Variants in MGAT5B observed in about 807,000 individuals in gnomAD.
MGAT5B encodes alpha-1,6-mannosylglycoprotein 6-beta-N-acetylglucosaminyltransferase B, also known as N-acetylglucosaminyl-transferase Vb.
A neutral mutation model predicts 95.1 loss-of-function variants in MGAT5B; 54 were observed. The observed-to-expected ratio is 0.57, with a 90% confidence interval of 0.46 to 0.71. The LOEUF (loss-of-function observed/expected upper bound fraction) is 0.71. Ranked by LOEUF, MGAT5B falls within the 30% of genes least tolerant of loss-of-function variation. The probability of loss-of-function intolerance (pLI) is 0.00; values close to 1 mark genes in which losing one functional copy is unlikely to be tolerated. For synonymous variants in MGAT5B, 464 were observed against 451.0 expected (o/e 1.03, Z -0.36); for missense variants, 935 against 1,088.6 (o/e 0.86, Z 1.99).
rs908263403 is a variant in MGAT5B, at chr17:76,869,293, A to C, written c.68+196A>C. On this transcript the variant is annotated intron_variant, in intron 1 of 17. Coordinates refer to ENST00000569840, the MANE Select transcript of MGAT5B (RefSeq NM_001199172.2). This position sits in a 1 kb window ranked among gnomAD's most constrained non-coding sequence, Gnocchi z 7.0. Reference sequence around the variant, plus strand: ...GGGTGCGGATGGGGAGGGTTGTGTTATTCGGGGACCTGTCCCGAGTTGGGC... The same window carrying C: ...GGGTGCGGATGGGGAGGGTTGTGTTCTTCGGGGACCTGTCCCGAGTTGGGC... 1.3e-5 allele frequency among the ~76,000 whole-genome samples: 2 copies of C among 151,762 alleles called. No individual in the cohort carries two copies. Among genetic ancestry groups the C allele is most frequent in the African/African-American group, 4.8e-5 (2 of 41,320 alleles).
chr17:76,942,377 A>C (rs541220312), intron 15 of MGAT5B, among the ~76,000 whole-genome samples: 2 of 152,262 alleles, frequency 1.3e-5, no homozygotes, highest in East Asian at 1.9e-4. Flanking sequence ...AAAATACAAA[A>C]AGAAATTTAG....
At chr17:76,880,273 T>G (rs377208154) in intron 2 of MGAT5B, among the ~76,000 whole-genome samples, 1 of 152,112 alleles carries the variant, frequency 6.6e-6, no homozygotes, top group East Asian at 1.9e-4. Flanking sequence ...TTCTCCTGTT[T>G]TGCAGCCCTA....
In MGAT5B at chr17:76,924,453, C is replaced by T. The variant is rs544049473; in HGVS notation, c.1026-513C>T. 2.2e-4 allele frequency: 32 copies of T among 142,832 alleles called. No individual in the cohort carries two copies. The South Asian group carries it at 5.7e-3, about 26-fold the overall frequency. The allele number at this position is 142,832 out of a possible 1,614,324, so 8.8% of individuals were successfully genotyped here. A position where few individuals can be genotyped will look rare whatever the true frequency, so the allele number is the denominator to read the frequency against. Reference sequence around the variant, plus strand: ...AGGCAGGCAGGTCCTGTGCGGTGCCCGGGGTGGGAAGCAGGTAACCAGTGG... The same window carrying T: ...AGGCAGGCAGGTCCTGTGCGGTGCCTGGGGTGGGAAGCAGGTAACCAGTGG... On this transcript the variant is annotated intron_variant, in intron 8 of 17. Coordinates refer to ENST00000569840, the MANE Select transcript of MGAT5B (RefSeq NM_001199172.2).
rs748078797 is a variant in MGAT5B at position 76,938,190 on chromosome 17, C to T, written c.1584+47C>T. On this transcript the variant is annotated intron_variant, in intron 13 of 17. Coordinates refer to ENST00000569840, the MANE Select transcript of MGAT5B (RefSeq NM_001199172.2). This position sits in a 1 kb window ranked among gnomAD's most constrained non-coding sequence, Gnocchi z 4.3. Reference sequence around the variant, plus strand: ...CATTCTCACACTTGCCGGCTGCAGACACTGAGGTCACCACCCATGCCTGCC... The same window carrying T: ...CATTCTCACACTTGCCGGCTGCAGATACTGAGGTCACCACCCATGCCTGCC... 4 of 1,602,670 alleles carry T rather than the reference C, an allele frequency of 2.5e-6. No individual in the cohort carries two copies. Among genetic ancestry groups the T allele is most frequent in the South Asian group, 2.2e-5 (2 of 90,142 alleles).
At chr17:76,881,579 T>G (rs1967418046) in intron 2 of MGAT5B, among the ~76,000 whole-genome samples, 1 of 152,186 alleles carries the variant, frequency 6.6e-6, no homozygotes, top group Non-Finnish European at 1.5e-5. Context: ...GCAAGGAAAG[T>G]GCAGATTCCC....
intron 10 of MGAT5B, among the ~76,000 whole-genome samples, chr17:76,929,758 A>C (rs1474106468): frequency 1.3e-5 from 2 of 152,200 alleles, no homozygotes; most frequent in Non-Finnish European, 2.9e-5. Context: ...CAGGGAGCTA[A>C]CTGGGGGGCT....
At chr17:76,910,944 A>G (rs1968710991) in intron 8 of MGAT5B, among the ~76,000 whole-genome samples, 1 of 152,274 alleles carries the variant, frequency 6.6e-6, no homozygotes, top group Non-Finnish European at 1.5e-5. Context: ...ATTTAAAAAC[A>G]ACTAAAAGAA....
intron 3 of MGAT5B, among the ~76,000 whole-genome samples, chr17:76,886,968 T>C (rs1347966016): frequency 6.6e-6 from 1 of 152,098 alleles, no homozygotes; most frequent in Non-Finnish European, 1.5e-5. Context: ...CGCTTGAAGC[T>C]GAGAGGCGGA....
chr17:76,945,535 C>T (rs887306872), intron 15 of MGAT5B, among the ~76,000 whole-genome samples: 12 of 152,284 alleles, frequency 7.9e-5, no homozygotes, highest in African/African-American at 2.2e-4. Flanking sequence ...GCGATCCGCC[C>T]ACCTCGGCCT....
chr17:76,897,397 G>A (rs1035599951), intron 3 of MGAT5B, among the ~76,000 whole-genome samples: 73 of 152,304 alleles, frequency 4.8e-4, no homozygotes, highest in Admixed American at 2.5e-3. Context: ...CAGCAGGGCC[G>A]TGTTCCTTCC....
At chr17:76,893,670 G>T (rs993327130) in intron 3 of MGAT5B, among the ~76,000 whole-genome samples, 4 of 152,194 alleles carry the variant, frequency 2.6e-5, no homozygotes, top group Non-Finnish European at 5.9e-5. Flanking sequence ...TTGTACCCTG[G>T]TAATGGATTC....
In MGAT5B at chr17:76,930,210, C is replaced by G. The variant is rs944722834; in HGVS notation, c.1292-2435C>G. On this transcript the variant is annotated intron_variant, in intron 10 of 17. Transcript: ENST00000569840. This position sits in a 1 kb window ranked among gnomAD's most constrained non-coding sequence, Gnocchi z 4.1. ...TTGGTTCTGTAGTTGAATTTTCAGG[C>G]CCAAGAATCTGTGAGCTTTGGGGGC... Among the ~76,000 whole-genome samples the G allele has an allele frequency of 2.0e-5, 3 of 152,058 alleles. No individual in the cohort carries two copies. The highest frequency in any genetic ancestry group is 4.4e-5 in the Non-Finnish European group (3 of 68,004).
Position 76,940,706 on chromosome 17 carries a change from A to ATCTGCAATCTCTGTACCC in MGAT5B, c.1732-24_1732-7dup. The ATCTGCAATCTCTGTACCC allele has an allele frequency of 6.2e-7, 1 of 1,610,638 alleles. No homozygotes were observed. ...TGTCCCACTGGCAGGCACGGGGGGCATCTGCAATCTCTGTACCCTTGCCAG... is the reference window on the plus strand; with the variant it reads ...TGTCCCACTGGCAGGCACGGGGGGCATCTGCAATCTCTGTACCCTCTGCAATCTCTGTACCCTTGCCAG... On this transcript the variant is annotated intron_variant, in intron 14 of 17. Coordinates refer to ENST00000569840, the MANE Select transcript of MGAT5B (RefSeq NM_001199172.2). This position sits in a 1 kb window ranked among gnomAD's most constrained non-coding sequence, Gnocchi z 4.3.
chr17:76,869,108 C>T lies in MGAT5B; in HGVS notation c.68+11C>T, dbSNP rs779678788. The T allele has an allele frequency of 6.2e-6, 10 of 1,613,782 alleles. No individual in the cohort carries two copies. Among genetic ancestry groups the T allele is most frequent in the Non-Finnish European group, 6.8e-6 (8 of 1,179,810 alleles). Reference sequence around the variant, plus strand: ...CCTGAGACCCTTTCGGTAAAGTTCCCTCCTGGTTGGTTTTTTCCCCAGGGG... The same window carrying T: ...CCTGAGACCCTTTCGGTAAAGTTCCTTCCTGGTTGGTTTTTTCCCCAGGGG... On this transcript the variant is annotated intron_variant, in intron 1 of 17. Coordinates refer to ENST00000569840, the MANE Select transcript of MGAT5B (RefSeq NM_001199172.2). This position sits in a 1 kb window ranked among gnomAD's most constrained non-coding sequence, Gnocchi z 7.0.
At chr17:76,898,644 C>T (rs767465350) in intron 3 of MGAT5B, among the ~76,000 whole-genome samples, 1 of 152,140 alleles carries the variant, frequency 6.6e-6, no homozygotes, top group Non-Finnish European at 1.5e-5. Flanking sequence ...AACATTCTGA[C>T]TCTGAGATTC....
At chr17:76,937,002 ATG>A (rs1015934256) in intron 12 of MGAT5B, among the ~76,000 whole-genome samples, 2 of 128,294 alleles carry the variant, frequency 1.6e-5, no homozygotes, top group African/African-American at 6.2e-5. Flanking sequence ...TGGGATTTCA[ATG>A]TTTTTTTTTT....
At chr17:76,879,870 G>A (rs956363662) in intron 2 of MGAT5B, among the ~76,000 whole-genome samples, 2 of 152,060 alleles carry the variant, frequency 1.3e-5, no homozygotes, top group Non-Finnish European at 2.9e-5. Context: ...CTTTGGAGAA[G>A]GACTACTCCA....
intron 12 of MGAT5B, among the ~76,000 whole-genome samples, chr17:76,934,042 G>T (rs1274695372): frequency 6.6e-6 from 1 of 152,204 alleles, no homozygotes; most frequent in African/African-American, 2.4e-5. Flanking sequence ...GGGGATGCTG[G>T]GTGGCATTAT....
chr17:76,871,444 C>G (rs553776789), intron 1 of MGAT5B, among the ~76,000 whole-genome samples: 1 of 152,332 alleles, frequency 6.6e-6, no homozygotes, highest in African/African-American at 2.4e-5. Flanking sequence ...TTGGAGCTCC[C>G]AAGCCCCTCT....
Sources: allele counts gnomAD v4.1 joint callset (sites outside exome capture counted in the v4.1 genomes callset), GRCh38; gene constraint gnomAD v4.1.1; non-coding constraint Gnocchi (gnomAD v3.1); transcripts MANE v1.5; gene names NCBI Gene and HGNC (gene_info 2026-07-23, HGNC 2026-07-21).